MACROD2: variants seen among roughly 807,000 people sequenced by gnomAD.
MACROD2 encodes the protein mono-ADP ribosylhydrolase 2.
Under a neutral mutation model 70.4 loss-of-function variants are expected in MACROD2, and 36 were observed. The ratio of observed to expected loss-of-function variants is 0.51; its 90% CI spans 0.39 to 0.68. MACROD2 has a LOEUF of 0.68. Ranked by LOEUF, MACROD2 falls within the 30% of genes least tolerant of loss-of-function variation. The pLI is 0.00. For missense variants in MACROD2, 496 were observed against 538.4 expected, an observed-to-expected ratio of 0.92 and a Z score of 0.78; for synonymous variants, 172 against 178.8, an observed-to-expected ratio of 0.96 and a Z score of 0.30.
chr20:15,909,556 C>G (rs7262723), intron 10 of MACROD2, among the ~76,000 whole-genome samples: 8,786 of 116,898 alleles, frequency 0.075, 369 homozygotes, highest in African/African-American at 0.13. Flanking sequence ...CGGAGTCTCT[C>G]TCTGTCGCCC....
intron 3 of MACROD2, among the ~76,000 whole-genome samples, chr20:14,258,707 T>G (rs4814293): frequency 0.36 from 55,344 of 151,970 alleles, 11,687 homozygotes; most frequent in African/African-American, 0.56. Context: ...CAGAAGCTTT[T>G]TAGTTTAATT....
At chr20:14,179,161 A>G (rs2081287683) in intron 3 of MACROD2, among the ~76,000 whole-genome samples, 1 of 152,194 alleles carries the variant, frequency 6.6e-6, no homozygotes. Context: ...CTGACTGTAG[A>G]AGAGGGAAGA....
chr20:14,204,259 G>T (rs1337911615), intron 3 of MACROD2, among the ~76,000 whole-genome samples: 1 of 152,156 alleles, frequency 6.6e-6, no homozygotes, highest in Non-Finnish European at 1.5e-5. Flanking sequence ...TGCACCAGCT[G>T]TTCTCTTGAG....
chr20:14,862,881 A>G (rs1316132423), intron 5 of MACROD2, among the ~76,000 whole-genome samples: 1 of 149,540 alleles, frequency 6.7e-6, no homozygotes, highest in African/African-American at 2.5e-5. Flanking sequence ...GATTTTGAAC[A>G]ATGAGCTGTA....
chr20:15,038,669 G>A (rs2075332527), intron 5 of MACROD2, among the ~76,000 whole-genome samples: 1 of 152,122 alleles, frequency 6.6e-6, no homozygotes, highest in Admixed American at 6.5e-5. Flanking sequence ...GTTATTAAGG[G>A]GTGACGTTCA....
At chr20:15,883,742 T>C (rs181158368) in intron 9 of MACROD2, among the ~76,000 whole-genome samples, 1 of 152,272 alleles carries the variant, frequency 6.6e-6, no homozygotes, top group Admixed American at 6.5e-5. Context: ...ATATAGCTAA[T>C]ATGTATAAAA....
chr20:14,887,392 T>C (rs1349044430), intron 5 of MACROD2, among the ~76,000 whole-genome samples: 2 of 40,774 alleles, frequency 4.9e-5, no homozygotes, highest in Non-Finnish European at 8.0e-5. Context: ...TGTGATTAGC[T>C]TTTTTTGTTT....
intron 6 of MACROD2, among the ~76,000 whole-genome samples, chr20:15,296,609 A>G (rs978101148): frequency 1.3e-5 from 2 of 152,218 alleles, no homozygotes; most frequent in African/African-American, 4.8e-5. Flanking sequence ...TTGAAAAACA[A>G]ACAGAAGCAG....
chr20:15,693,756 TTTGG>T (rs2050327562), intron 8 of MACROD2, among the ~76,000 whole-genome samples: 1 of 152,188 alleles, frequency 6.6e-6, no homozygotes, highest in Non-Finnish European at 1.5e-5. Context: ...TACAGTGGTA[TTTGG>T]TTACATGAAT....
chr20:15,185,342 C>T (rs944685391), intron 5 of MACROD2, among the ~76,000 whole-genome samples: 2 of 152,096 alleles, frequency 1.3e-5, no homozygotes, highest in African/African-American at 4.8e-5. Flanking sequence ...TCTGATGCCT[C>T]GAAATGTCTA....
At chr20:14,865,450 G>A (rs1490432939) in intron 5 of MACROD2, among the ~76,000 whole-genome samples, 3 of 151,380 alleles carry the variant, frequency 2.0e-5, no homozygotes, top group African/African-American at 7.3e-5. Context: ...ATTCCCTTAA[G>A]TTACTCATTG....
chr20:15,084,178 G>T (rs777916049), intron 5 of MACROD2, among the ~76,000 whole-genome samples: 1 of 151,136 alleles, frequency 6.6e-6, no homozygotes, highest in Non-Finnish European at 1.5e-5. Context: ...TGATTCTCCT[G>T]CCTCAGCTTC....
intron 4 of MACROD2, among the ~76,000 whole-genome samples, chr20:14,605,790 T>C (rs1173801656): frequency 6.6e-6 from 1 of 152,146 alleles, no homozygotes; most frequent in East Asian, 1.9e-4. Context: ...TTTATGATAA[T>C]CAATTTTCTA....
chr20:15,276,119 G>C lies in MACROD2; in HGVS notation c.540+46058G>C, dbSNP rs545662578. Among the ~76,000 whole-genome samples, 81 of 152,252 alleles carry C rather than the reference G, an allele frequency of 5.3e-4. No individual in the cohort carries two copies. In the South Asian group the frequency reaches 0.014, roughly 27 times the overall value. On this transcript the variant is annotated intron_variant, in intron 6 of 17. Transcript: ENST00000684519. Reference sequence around the variant, plus strand: ...AGTCAATTAAAAATCTCATTGATGAGGCTGGTTGCGGTAGCTCATGCCTGT... The same window carrying C: ...AGTCAATTAAAAATCTCATTGATGACGCTGGTTGCGGTAGCTCATGCCTGT...
At chr20:15,938,778 T>C (rs1383521496) in intron 12 of MACROD2, among the ~76,000 whole-genome samples, 1 of 152,186 alleles carries the variant, frequency 6.6e-6, no homozygotes, top group Non-Finnish European at 1.5e-5. Context: ...AAATCTGAGA[T>C]AGGCTGAAAT....
At chr20:15,816,780 A>G (rs572426297) in intron 8 of MACROD2, among the ~76,000 whole-genome samples, 1 of 152,316 alleles carries the variant, frequency 6.6e-6, no homozygotes, top group African/African-American at 2.4e-5. Context: ...ATATAGCAGG[A>G]TCCCTGTCTC....
intron 7 of MACROD2, among the ~76,000 whole-genome samples, chr20:15,447,740 A>G (rs559900488): frequency 2.0e-4 from 31 of 152,124 alleles, no homozygotes; most frequent in African/African-American, 6.8e-4. Flanking sequence ...AGGAAATGCT[A>G]TGTTTGCTTA....
intron 13 of MACROD2, among the ~76,000 whole-genome samples, chr20:15,977,194 G>A (rs111737162): frequency 6.6e-6 from 1 of 152,160 alleles, no homozygotes; most frequent in Admixed American, 6.5e-5. Context: ...CGATGATTAG[G>A]TTCAATGGCC....
intron 3 of MACROD2, among the ~76,000 whole-genome samples, chr20:14,419,301 G>C (rs2083848963): frequency 6.6e-6 from 1 of 152,174 alleles, no homozygotes; most frequent in Non-Finnish European, 1.5e-5. Context: ...TGATCCGCCT[G>C]CCTCAGCCTC....
Sources: allele counts gnomAD v4.1 joint callset (sites outside exome capture counted in the v4.1 genomes callset), GRCh38; gene constraint gnomAD v4.1.1; transcripts MANE v1.5; gene names NCBI Gene and HGNC (gene_info 2026-07-23, HGNC 2026-07-21).